The following MYBPC1 variants were observed in gnomAD, a reference collection of about 807,000 sequenced individuals.
MYBPC1 encodes myosin-binding protein C, slow-type.
A neutral mutation model predicts 147.1 loss-of-function variants in MYBPC1; 52 were observed. That is an observed-to-expected ratio of 0.35 (90% CI 0.28 to 0.45). The LOEUF (loss-of-function observed/expected upper bound fraction) is 0.45, where lower values mean the gene tolerates loss of function less well. MYBPC1 is among the 20% of genes least tolerant of loss of function. The probability of loss-of-function intolerance (pLI) is 1.00; values close to 1 mark genes in which losing one functional copy is unlikely to be tolerated. For synonymous variants in MYBPC1, 477 were observed against 475.9 expected (o/e 1.00, Z -0.03); for missense variants, 1,228 against 1,440.3 (o/e 0.85, Z 2.39).
intron 21 of MYBPC1, among the ~76,000 whole-genome samples, chr12:101,662,859 CT>C (rs1443257443): frequency 2.6e-5 from 4 of 152,120 alleles, no homozygotes; most frequent in Non-Finnish European, 5.9e-5. Flanking sequence ...TCCATTTGCC[CT>C]TCTGAAGGTA....
intron 14 of MYBPC1, among the ~76,000 whole-genome samples, chr12:101,649,039 G>C (rs961380884): frequency 6.6e-6 from 1 of 152,110 alleles, no homozygotes; most frequent in Non-Finnish European, 1.5e-5. Context: ...CGAGCAGGTG[G>C]CTCGTGTTCT....
At chr12:101,668,198 A>G (rs1594014346) in intron 23 of MYBPC1, among the ~76,000 whole-genome samples, 1 of 152,154 alleles carries the variant, frequency 6.6e-6, no homozygotes, top group Non-Finnish European at 1.5e-5. Context: ...TGTTCATACA[A>G]CCATGCAAAC....
chr12:101,656,605 G>A (rs1044206427), intron 18 of MYBPC1, among the ~76,000 whole-genome samples: 1 of 152,096 alleles, frequency 6.6e-6, no homozygotes, highest in Admixed American at 6.5e-5. Flanking sequence ...GAATAGAAAT[G>A]AGCGTTACAT....
intron 6 of MYBPC1, among the ~76,000 whole-genome samples, chr12:101,630,517 G>A (rs1009167918): frequency 1.3e-5 from 2 of 152,178 alleles, no homozygotes; most frequent in African/African-American, 4.8e-5. Flanking sequence ...CCATAATGCT[G>A]AGCCAGTGTC....
intron 1 of MYBPC1, among the ~76,000 whole-genome samples, chr12:101,606,960 G>A (rs1471957848): frequency 6.6e-6 from 1 of 151,950 alleles, no homozygotes; most frequent in Non-Finnish European, 1.5e-5. Context: ...AAGTAGCTGG[G>A]ACCACAGGCA....
chr12:101,642,547 G>T lies in MYBPC1; in HGVS notation c.794G>T (p.Arg265Leu). The change falls in exon 11 of 32, where the codon CGA (arginine) becomes CTA (leucine). Residue 265 changes from arginine (R) to leucine (L), a missense_variant. By Grantham distance (102) the Arg-to-Leu change is moderately radical. Transcript: ENST00000361466. ...ACCGACCTGCGCGGCATGCTCAAGC[G>T]ACTCAAGCGCATGCGCAGAGAGGAG... ...GITDLRGMLK[R>L]LKRMRREEKK... 1 of 1,613,148 alleles carries T rather than the reference G, an allele frequency of 6.2e-7. No homozygotes were observed. Among genetic ancestry groups the T allele is most frequent in the South Asian group, 1.1e-5 (1 of 90,746 alleles).
intron 2 of MYBPC1, 126 bp downstream of exon 2, chr12:101,614,657 T>G (rs1016678306): frequency 5.3e-5 from 47 of 889,494 alleles, no homozygotes; most frequent in Admixed American, 1.4e-4. Context: ...AGAAGTTGGA[T>G]GGTGACCATT....
At chr12:101,691,257 C>A in the MYBPC1 span, among the ~76,000 whole-genome samples, 1 of 151,980 alleles carries the variant, frequency 6.6e-6, no homozygotes, top group Admixed American at 6.6e-5. Context: ...TTTTTAGTAG[C>A]GACTGGGCTT....
At chr12:101,678,381 A>G (rs1241466742) in intron 28 of MYBPC1, 143 bp downstream of exon 28, 8 of 1,203,400 alleles carry the variant, frequency 6.6e-6, no homozygotes, top group Admixed American at 5.4e-5. Context: ...GTGGTAGATT[A>G]TTAGGCACAC....
At chr12:101,632,644 C>T (rs967200473) in intron 8 of MYBPC1, among the ~76,000 whole-genome samples, 1 of 152,140 alleles carries the variant, frequency 6.6e-6, no homozygotes. Context: ...TACAAGTATA[C>T]AAAGGAAAAG....
intron 8 of MYBPC1, among the ~76,000 whole-genome samples, chr12:101,633,463 C>G (rs1890328101): frequency 6.6e-6 from 1 of 151,984 alleles, no homozygotes; most frequent in Non-Finnish European, 1.5e-5. Context: ...CCGGGGCGGG[C>G]AGATCACGAG....
intron 4 of MYBPC1, 121 bp downstream of exon 4, chr12:101,627,031 C>T (rs766281014): frequency 2.3e-5 from 21 of 916,590 alleles, no homozygotes; most frequent in African/African-American, 8.3e-5. Flanking sequence ...CAACAGTTTT[C>T]GCCTGTGCTG....
chr12:101,648,262 A>T (rs1211096639), intron 14 of MYBPC1, 112 bp downstream of exon 14: 3 of 736,114 alleles, frequency 4.1e-6, no homozygotes, highest in African/African-American at 3.5e-5. Context: ...AACAATCTCC[A>T]CCTCATTTGT....
chr12:101,685,605 C>T lies in MYBPC1; in HGVS notation c.*43C>T. The T allele has an allele frequency of 6.5e-7, 1 of 1,534,212 alleles. No individual in the cohort carries two copies. The highest frequency in any genetic ancestry group is 8.7e-7 in the Non-Finnish European group (1 of 1,145,372). ...AGGTGGGCTCTCCTTCTGCAGACTC[C>T]TCTTGCAAGGCGTACCTCCAAACAT... On this transcript the variant is annotated 3_prime_UTR_variant, in exon 32 of 32. Coordinates refer to ENST00000361466, the MANE Select transcript of MYBPC1 (RefSeq NM_002465.4).
At chr12:101,616,673 G>T (rs1886167361) in intron 2 of MYBPC1, among the ~76,000 whole-genome samples, 2 of 151,864 alleles carry the variant, frequency 1.3e-5, no homozygotes, top group Non-Finnish European at 2.9e-5. Context: ...CTCTTGTTTT[G>T]CATTTATTGC....
At chr12:101,653,027 G>A (rs1425536028) in intron 17 of MYBPC1, 88 bp from the exon 18 acceptor site, 20 of 1,508,630 alleles carry the variant, frequency 1.3e-5, no homozygotes, top group Non-Finnish European at 1.5e-5. Flanking sequence ...TAAAATATTG[G>A]TTACTACCAT....
intron 1 of MYBPC1, among the ~76,000 whole-genome samples, chr12:101,609,764 T>A (rs1349966567): frequency 6.6e-6 from 1 of 152,254 alleles, no homozygotes; most frequent in East Asian, 1.9e-4. Context: ...TTCATTTACC[T>A]GTGAATTTCT....
chr12:101,600,517 A>G (rs962810787), intron 1 of MYBPC1: 2 of 152,214 alleles, frequency 1.3e-5, no homozygotes, highest in African/African-American at 4.8e-5. Flanking sequence ...TACTTTTGTA[A>G]ACAAATACAT....
chr12:101,678,093 G>T lies in MYBPC1; in HGVS notation c.3110-9G>T, dbSNP rs751546767. The T allele has an allele frequency of 1.9e-6, 3 of 1,611,190 alleles. No individual in the cohort carries two copies. The Admixed American group carries it at 5.0e-5, about 27-fold the overall frequency. ...TAATTTTAACATATTTGTAATGCTT[G>T]TTTTTAAGGTAAAATCTACAAAAAT... On this transcript the variant is annotated splice_polypyrimidine_tract_variant and intron_variant, in intron 27 of 31. Coordinates refer to ENST00000361466, the MANE Select transcript of MYBPC1 (RefSeq NM_002465.4).
Sources: allele counts gnomAD v4.1 joint callset (sites outside exome capture counted in the v4.1 genomes callset), GRCh38; gene constraint gnomAD v4.1.1; transcripts MANE v1.5; gene names NCBI Gene and HGNC (gene_info 2026-07-23, HGNC 2026-07-21).